TRIM24: variants seen among roughly 807,000 people sequenced by gnomAD.
TRIM24 encodes the protein transcription intermediary factor 1-alpha.
TRIM24 carries 29 observed loss-of-function variants against 123.9 expected under a neutral mutation model. The observed-to-expected ratio is 0.23, with a 90% CI of 0.17 to 0.32. The LOEUF is 0.32. TRIM24 is among the 10% of genes least tolerant of loss of function. TRIM24 has a pLI of 1.00. For synonymous variants in TRIM24, 456 were observed against 461.1 expected, an observed-to-expected ratio of 0.99 and a Z score of 0.14; for missense variants, 932 against 1,295.3, an observed-to-expected ratio of 0.72 and a Z score of 4.31.
At chr7:138,555,062 A>G in intron 9 of TRIM24, 96 bp downstream of exon 9, 3 of 1,260,056 alleles carry the variant, frequency 2.4e-6, no homozygotes, top group African/African-American at 1.5e-5. Context: ...TCCATACTCT[A>G]AATATCTGCA....
At chr7:138,579,174 C>T (rs575712075) in intron 14 of TRIM24, 30 bp from the exon 15 acceptor site, 2 of 1,520,692 alleles carry the variant, frequency 1.3e-6, no homozygotes, top group Admixed American at 4.4e-5. Flanking sequence ...TTTTTTAAAG[C>T]CAGTTAAATA....
chr7:138,463,189 C>T (rs139109911), intron 1 of TRIM24, among the ~76,000 whole-genome samples: 1,586 of 151,578 alleles, frequency 0.01, 16 homozygotes, highest in Non-Finnish European at 0.015. Flanking sequence ...CGCACCTGGC[C>T]TGTTCTTATT....
At chr7:138,574,254 G>GTGTT (rs1378052490) in intron 12 of TRIM24, among the ~76,000 whole-genome samples, 3 of 152,152 alleles carry the variant, frequency 2.0e-5, no homozygotes, top group Non-Finnish European at 1.5e-5. Context: ...GATTTGTTTG[G>GTGTT]TGTTTAATTG....
At chr7:138,555,112 G>A (rs912192535) in intron 9 of TRIM24, 146 bp downstream of exon 9, 8 of 827,264 alleles carry the variant, frequency 9.7e-6, no homozygotes, top group Non-Finnish European at 1.5e-5. Flanking sequence ...CTGATTTAAT[G>A]CCTAGTTTTT....
intron 1 of TRIM24, among the ~76,000 whole-genome samples, chr7:138,472,627 A>G (rs1431165626): frequency 6.6e-6 from 1 of 152,160 alleles, no homozygotes; most frequent in Non-Finnish European, 1.5e-5. Flanking sequence ...GTTTGGTGCT[A>G]AAGACCATGA....
At chr7:138,461,823 T>A (rs1794982069) in intron 1 of TRIM24, among the ~76,000 whole-genome samples, 1 of 152,224 alleles carries the variant, frequency 6.6e-6, no homozygotes, top group African/African-American at 2.4e-5. Context: ...AAAGCATTTT[T>A]AATACTTTTT....
At chr7:138,521,522 A>G (rs746428172) in intron 4 of TRIM24, among the ~76,000 whole-genome samples, 1 of 152,204 alleles carries the variant, frequency 6.6e-6, no homozygotes, top group Non-Finnish European at 1.5e-5. Flanking sequence ...CAGTATAAAC[A>G]AAGGCCAAAA....
intron 1 of TRIM24, among the ~76,000 whole-genome samples, chr7:138,493,027 T>C (rs113548649): frequency 5.6e-4 from 86 of 152,316 alleles, no homozygotes; most frequent in Middle Eastern, 3.4e-3. Context: ...TACTGCTGTA[T>C]GAATTTTTCA....
chr7:138,477,512 AAACAAATGAACGTTGTTCT>A (rs752002397), intron 1 of TRIM24, among the ~76,000 whole-genome samples: 19 of 152,208 alleles, frequency 1.2e-4, no homozygotes, highest in Non-Finnish European at 2.5e-4. Context: ...CCAGCAAACA[AAACAAATGAACGTTGTTCT>A]GTATCAACCA....
At chr7:138,522,619 G>A (rs758343626) in intron 4 of TRIM24, among the ~76,000 whole-genome samples, 20 of 151,982 alleles carry the variant, frequency 1.3e-4, no homozygotes, top group Non-Finnish European at 2.4e-4. Flanking sequence ...AAGAAACATG[G>A]TCTATAGTTT....
At chr7:138,541,039 A>C (rs778559847) in intron 7 of TRIM24, among the ~76,000 whole-genome samples, 1 of 152,106 alleles carries the variant, frequency 6.6e-6, no homozygotes, top group East Asian at 1.9e-4. Context: ...GGGTTTCCCT[A>C]TGTTTTCCAG....
At chr7:138,500,416 A>G (rs1796010957) in intron 1 of TRIM24, among the ~76,000 whole-genome samples, 1 of 151,812 alleles carries the variant, frequency 6.6e-6, no homozygotes. Context: ...AAAAAAAATT[A>G]GTGGAGTGTG....
chr7:138,582,774 C>T (rs1797929582), intron 17 of TRIM24, among the ~76,000 whole-genome samples: 1 of 151,942 alleles, frequency 6.6e-6, no homozygotes, highest in African/African-American at 2.4e-5. Context: ...CAAATTAATA[C>T]AAAGTTGAGA....
At chr7:138,534,100 CTCTGTTT>C (rs200117283) in intron 6 of TRIM24, among the ~76,000 whole-genome samples, 3,315 of 151,974 alleles carry the variant, frequency 0.022, 100 homozygotes, top group African/African-American at 0.073. Context: ...TTTGATTGTT[CTCTGTTT>C]TCTTCTTTAT....
chr7:138,502,254 C>G (rs948972169), intron 1 of TRIM24, among the ~76,000 whole-genome samples: 43 of 152,322 alleles, frequency 2.8e-4, no homozygotes, highest in East Asian at 2.1e-3. Flanking sequence ...TTACCAGGTA[C>G]CAGCCTAGGC....
chr7:138,509,990 T>C (rs1796252254), intron 2 of TRIM24, among the ~76,000 whole-genome samples: 1 of 152,154 alleles, frequency 6.6e-6, no homozygotes, highest in Non-Finnish European at 1.5e-5. Flanking sequence ...GTAGTGGTGC[T>C]GGCATCTCTG....
chr7:138,469,483 G>T (rs1254906854), intron 1 of TRIM24, among the ~76,000 whole-genome samples: 1 of 151,860 alleles, frequency 6.6e-6, no homozygotes, highest in Admixed American at 6.6e-5. Context: ...TAATTTTTTT[G>T]TATTTTTAGT....
At chr7:138,517,536 G>C (rs1213745700) in intron 3 of TRIM24, among the ~76,000 whole-genome samples, 2 of 151,976 alleles carry the variant, frequency 1.3e-5, no homozygotes, top group South Asian at 4.2e-4. Flanking sequence ...ACCATGCCTG[G>C]CTAATTTTTC....
At position 138,495,911 on chromosome 7, in the gene TRIM24, C is replaced by T. The variant is rs1256360841; in HGVS notation, c.365-8379C>T. 2.0e-5 allele frequency among the ~76,000 whole-genome samples: 3 copies of T among 152,236 alleles called. No individual in the cohort carries two copies. The East Asian group carries it at 5.8e-4, about 29-fold the overall frequency. ...TCTGATTAAATACTTGTTATATAAT[C>T]GATATGTATATGTCTGTTTCTGGAC... On this transcript the variant is annotated intron_variant, in intron 1 of 18. Transcript: ENST00000343526.
Sources: allele counts gnomAD v4.1 joint callset (sites outside exome capture counted in the v4.1 genomes callset), GRCh38; gene constraint gnomAD v4.1.1; transcripts MANE v1.5; gene names NCBI Gene and HGNC (gene_info 2026-07-23, HGNC 2026-07-21).